Variants in C13orf46 observed in about 807,000 individuals in gnomAD.
C13orf46 encodes the protein chromosome 13 open reading frame 46, also known as uncharacterized protein C13orf46.
At chr13:113,943,010 C>CT in the C13orf46 span, among the ~76,000 whole-genome samples, 2 of 152,234 alleles carry the variant, frequency 1.3e-5, no homozygotes, top group Non-Finnish European at 2.9e-5. Context: ...TCAGGGAGCG[C>CT]TGGCCCCTCG....
At chr13:113,958,732 T>C (rs1167821077) in intron 6 of C13orf46, among the ~76,000 whole-genome samples, 1 of 152,208 alleles carries the variant, frequency 6.6e-6, no homozygotes, top group African/African-American at 2.4e-5. Context: ...TTTTCCTTAA[T>C]TGGCAATCAT....
At chr13:113,965,866 GTGATGGTGA>G (rs1385683124) in intron 5 of C13orf46, among the ~76,000 whole-genome samples, 1 of 145,052 alleles carries the variant, frequency 6.9e-6, no homozygotes. Context: ...GGTGATGATG[GTGATGGTGA>G]TGATGGTGGT....
chr13:113,941,845 C>A, the C13orf46 span, among the ~76,000 whole-genome samples: 1 of 152,352 alleles, frequency 6.6e-6, no homozygotes, highest in African/African-American at 2.4e-5. Flanking sequence ...CGCATGTCAC[C>A]TGTCCTCTGA....
the C13orf46 span, among the ~76,000 whole-genome samples, chr13:113,930,190 G>A: frequency 6.6e-6 from 1 of 152,218 alleles, no homozygotes; most frequent in Admixed American, 6.5e-5. Context: ...GGAGAGAAGC[G>A]CCATCTGCAC....
intron 5 of C13orf46, among the ~76,000 whole-genome samples, chr13:113,967,091 C>A (rs2052657524): frequency 6.6e-6 from 1 of 152,174 alleles, no homozygotes; most frequent in Admixed American, 6.5e-5. Flanking sequence ...TTAACCCAGG[C>A]CCCAGAGTCT....
the C13orf46 span, among the ~76,000 whole-genome samples, chr13:113,947,602 G>A: frequency 1.3e-5 from 2 of 152,352 alleles, no homozygotes; most frequent in South Asian, 4.1e-4. Context: ...ACAGTGGGTG[G>A]AGCGGGGAGC....
At chr13:113,963,390 C>A (rs1428633810) in intron 6 of C13orf46, among the ~76,000 whole-genome samples, 1 of 140,458 alleles carries the variant, frequency 7.1e-6, no homozygotes, top group African/African-American at 2.7e-5. Context: ...CTCAGCCTCG[C>A]CCCTGTCCTC....
chr13:113,927,825 C>T, the C13orf46 span: 2 of 389,334 alleles, frequency 5.1e-6, no homozygotes, highest in African/African-American at 4.1e-5. Context: ...CTTGGATGGA[C>T]CAACGTGCTT....
intron 6 of C13orf46, among the ~76,000 whole-genome samples, chr13:113,963,712 T>C (rs952548563): frequency 4.0e-4 from 54 of 133,780 alleles, no homozygotes; most frequent in African/African-American, 1.1e-3. Flanking sequence ...CTGCAGCCAC[T>C]GTCCTCAGTG....
At chr13:113,957,187 T>TG (rs1331789607) in intron 6 of C13orf46, among the ~76,000 whole-genome samples, 2 of 139,738 alleles carry the variant, frequency 1.4e-5, no homozygotes, top group Admixed American at 1.4e-4. Context: ...TCAAGCGCAC[T>TG]GGGGGGTCTC....
At chr13:113,959,461 A>C (rs2052570694) in intron 6 of C13orf46, among the ~76,000 whole-genome samples, 1 of 151,986 alleles carries the variant, frequency 6.6e-6, no homozygotes, top group African/African-American at 2.4e-5. Flanking sequence ...TTTTAATCTG[A>C]CTCCCAGTGG....
At chr13:113,965,743 A>ATTG (rs2052631189) in intron 5 of C13orf46, among the ~76,000 whole-genome samples, 1 of 69,930 alleles carries the variant, frequency 1.4e-5, no homozygotes, top group Non-Finnish European at 2.5e-5. Context: ...GAAGGTGATG[A>ATTG]TGGTGATGAT....
intron 1 of C13orf46, among the ~76,000 whole-genome samples, chr13:113,971,539 T>C (rs2052705358): frequency 6.6e-6 from 1 of 152,220 alleles, no homozygotes; most frequent in East Asian, 1.9e-4. Flanking sequence ...ATTCTCACTG[T>C]GCTCTTGCCG....
At chr13:113,957,892 C>G (rs1234701465) in intron 6 of C13orf46, among the ~76,000 whole-genome samples, 1 of 148,204 alleles carries the variant, frequency 6.7e-6, no homozygotes, top group Admixed American at 6.8e-5. Flanking sequence ...TCCATATGCA[C>G]CCCCTTTCAT....
chr13:113,966,708 T>C (rs1383090544), intron 5 of C13orf46, among the ~76,000 whole-genome samples: 1 of 151,374 alleles, frequency 6.6e-6, no homozygotes, highest in Non-Finnish European at 1.5e-5. Flanking sequence ...GGTGATAATG[T>C]TTATGGGGAT....
chr13:113,965,705 T>C (rs1047454300), intron 5 of C13orf46, among the ~76,000 whole-genome samples: 101 of 152,054 alleles, frequency 6.6e-4, no homozygotes, highest in Non-Finnish European at 1.2e-3. Flanking sequence ...ACAATGGTGA[T>C]GGTGATTATA....
In C13orf46 at chr13:113,954,125, G is replaced by A. The variant is rs2052501750; in HGVS notation, c.*2648C>T. 6.6e-6 allele frequency: 1 copy of A among 152,296 alleles called. No individual in the cohort carries two copies. The highest frequency in any genetic ancestry group is 1.5e-5 in the Non-Finnish European group (1 of 68,084). 9.4% of individuals were successfully genotyped at this position (152,296 alleles called of 1,614,324 possible). A position where few individuals can be genotyped will look rare whatever the true frequency, so the allele number is the denominator to read the frequency against. On this transcript the variant is annotated 3_prime_UTR_variant, in exon 7 of 7. Coordinates refer to ENST00000636427, the MANE Select transcript of C13orf46 (RefSeq NM_001365455.2). ...AGGGCCCCTCCCTCCCTGGCTGAGTGATGGGCAGAGCTCACCCTCTGGGAG... is the reference window on the plus strand; with the variant it reads ...AGGGCCCCTCCCTCCCTGGCTGAGTAATGGGCAGAGCTCACCCTCTGGGAG...
the C13orf46 span, among the ~76,000 whole-genome samples, chr13:113,947,278 TG>T: frequency 6.6e-6 from 1 of 151,542 alleles, no homozygotes; most frequent in Non-Finnish European, 1.5e-5. Context: ...GGAAGGGGGT[TG>T]GGGGAGGCTG....
chr13:113,966,972 C>T (rs1178269011), intron 5 of C13orf46, among the ~76,000 whole-genome samples: 1 of 152,150 alleles, frequency 6.6e-6, no homozygotes, highest in Non-Finnish European at 1.5e-5. Flanking sequence ...ACTGACAGAA[C>T]CACACATCCA....
Sources: gnomAD v4.1 joint callset for allele counts (sites outside exome capture counted in the v4.1 genomes callset) on GRCh38, gnomAD v4.1.1 for gene constraint, MANE v1.5 for transcripts, NCBI Gene and HGNC (gene_info 2026-07-23, HGNC 2026-07-21) for gene names.